GEMIN5: variants seen among roughly 807,000 people sequenced by gnomAD.
The protein encoded by GEMIN5 is gem nuclear organelle associated protein 5.
Under a neutral mutation model 176.9 loss-of-function variants are expected in GEMIN5, and 124 were observed. The observed-to-expected ratio is 0.70, with a 90% CI of 0.61 to 0.81. GEMIN5 has a LOEUF of 0.81. GEMIN5 is among the 40% of genes least tolerant of loss of function. The probability of loss-of-function intolerance (pLI) is 0.00; values close to 1 mark genes in which losing one functional copy is unlikely to be tolerated. For synonymous variants in GEMIN5, 673 were observed against 665.2 expected (o/e 1.01, Z -0.18); for missense variants, 1,843 against 1,814.6 (o/e 1.02, Z -0.28).
chr5:154,893,914 C>T (rs567847736), intron 24 of GEMIN5, among the ~76,000 whole-genome samples: 7 of 152,028 alleles, frequency 4.6e-5, no homozygotes, highest in South Asian at 2.1e-4. Flanking sequence ...CGGCTAACAC[C>T]GATATTATTT....
chr5:154,898,576 G>A lies in GEMIN5; in HGVS notation c.3209C>T (p.Thr1070Met), dbSNP rs368184251. 22 of 1,614,030 alleles carry A rather than the reference G, an allele frequency of 1.4e-5. No individual in the cohort carries two copies. Among genetic ancestry groups the A allele is most frequent in the Admixed American group, 8.3e-5 (5 of 59,998 alleles). ...AKKGDAASLR[T>M]AAELAAIVGE... Reference sequence around the variant, plus strand: ...TACGATGGCAGCCAACTCTGCAGCCGTTCTAAGTGATGCCGCATCCCCCTT... The same window carrying A: ...TACGATGGCAGCCAACTCTGCAGCCATTCTAAGTGATGCCGCATCCCCCTT... The change falls in exon 23 of 28, where the codon ACG becomes ATG. Residue 1070 changes from threonine to methionine, a missense_variant. Transcript: ENST00000285873.
chr5:154,927,265 C>T, intron 7 of GEMIN5, 120 bp downstream of exon 7: 1 of 603,322 alleles, frequency 1.7e-6, no homozygotes, highest in Non-Finnish European at 3.0e-6. Flanking sequence ...AGCAGTAACT[C>T]TGAAATTGGA....
intron 8 of GEMIN5, 82 bp from the exon 9 acceptor site, chr5:154,924,636 T>A (rs1763990835): frequency 3.7e-6 from 3 of 818,580 alleles, no homozygotes; most frequent in Non-Finnish European, 6.1e-6. Flanking sequence ...CCTTTAAGCA[T>A]CCAAAGGGAA....
intron 8 of GEMIN5, among the ~76,000 whole-genome samples, chr5:154,925,394 G>C (rs1764008639): frequency 6.6e-6 from 1 of 151,974 alleles, no homozygotes; most frequent in South Asian, 2.1e-4. Flanking sequence ...ATTACCTTTA[G>C]ATTCAATAGC....
intron 12 of GEMIN5, among the ~76,000 whole-genome samples, chr5:154,917,604 T>C (rs541196600): frequency 9.4e-4 from 143 of 152,292 alleles, no homozygotes; most frequent in Non-Finnish European, 1.8e-3. Context: ...CTGGTCAGGA[T>C]ACAGACCTAA....
intron 14 of GEMIN5, among the ~76,000 whole-genome samples, chr5:154,912,598 C>A (rs1458427529): frequency 6.6e-6 from 1 of 152,094 alleles, no homozygotes; most frequent in Non-Finnish European, 1.5e-5. Context: ...GAAGAGAGTA[C>A]TTTGCATATC....
chr5:154,903,238 C>A, intron 18 of GEMIN5, 63 bp from the exon 19 acceptor site: 1 of 1,053,106 alleles, frequency 9.5e-7, no homozygotes. Flanking sequence ...GTTTTCTCTC[C>A]AATAACTTCC....
intron 21 of GEMIN5, among the ~76,000 whole-genome samples, chr5:154,899,666 G>A (rs1049562011): frequency 2.0e-5 from 3 of 152,046 alleles, no homozygotes; most frequent in African/African-American, 7.2e-5. Context: ...TGCCAAAGCA[G>A]TGATTGGGAA....
chr5:154,921,448 A>G (rs779093477), intron 9 of GEMIN5, 23 bp from the exon 10 acceptor site: 7 of 1,072,746 alleles, frequency 6.5e-6, no homozygotes, highest in Non-Finnish European at 9.7e-6. Context: ...AGGGAGAGAG[A>G]ACAAATGGAG....
At position 154,937,035 on chromosome 5, in the gene GEMIN5, G is replaced by C. The variant is rs1764283990; in HGVS notation, c.317C>G (p.Ala106Gly). The stretch of plus-strand genomic sequence containing the variant: ...AGTAAGCCATGGTACCTGATGGAGT[G>C]CATGTTCTGTCACAACTGTTTTTGT... ...VETKTVVTEH[A>G]LHQHTISTLH... Residue 106 changes from alanine to glycine, a missense_variant, in exon 2 of 28, where the codon GCA (alanine) becomes GGA (glycine). Ala to Gly is a moderately conservative substitution (Grantham distance 60, BLOSUM62 0). Transcript: ENST00000285873. 1 of 1,612,910 alleles carries C rather than the reference G, an allele frequency of 6.2e-7. No homozygotes were observed.
intron 16 of GEMIN5, among the ~76,000 whole-genome samples, chr5:154,906,725 T>C (rs948350752): frequency 1.3e-5 from 2 of 152,176 alleles, no homozygotes; most frequent in Non-Finnish European, 2.9e-5. Flanking sequence ...GCCAAAATAA[T>C]AAATCCATTA....
chr5:154,906,599 G>A (rs1425645882), intron 16 of GEMIN5, among the ~76,000 whole-genome samples: 1 of 152,128 alleles, frequency 6.6e-6, no homozygotes, highest in Non-Finnish European at 1.5e-5. Context: ...TAAAGAGATG[G>A]GGGGTCTTGC....
chr5:154,904,517 C>T lies in GEMIN5; in HGVS notation c.2622G>A (p.Lys874=). ...HQDCLVLATA[K]HSRELNEDVS... is the part of the protein sequence containing the mutation. ...AGTACATTTTTGTACCTCTGGAGTGCTTTGCAGTTGCTAGTACCAAACAGT... is the reference window on the plus strand; with the variant it reads ...AGTACATTTTTGTACCTCTGGAGTGTTTTGCAGTTGCTAGTACCAAACAGT... Residue 874 remains lysine, a synonymous_variant, in exon 18 of 28, where the codon AAG becomes AAA. Coordinates refer to ENST00000285873, the MANE Select transcript of GEMIN5 (RefSeq NM_015465.5). 6.2e-7 allele frequency: 1 copy of T among 1,613,724 alleles called. No homozygotes were observed. Among genetic ancestry groups the T allele is most frequent in the Non-Finnish European group, 8.5e-7 (1 of 1,179,642 alleles).
chr5:154,925,778 A>G (rs1764015938), intron 8 of GEMIN5, 84 bp downstream of exon 8: 2 of 746,206 alleles, frequency 2.7e-6, no homozygotes, highest in East Asian at 5.0e-5. Flanking sequence ...GATTCTCAAC[A>G]GAGCGCATTT....
intron 1 of GEMIN5, 72 bp downstream of exon 1, chr5:154,937,896 G>T: frequency 1.5e-6 from 2 of 1,320,486 alleles, no homozygotes; most frequent in Non-Finnish European, 1.0e-6. Context: ...AAACGGGGTG[G>T]AGTCGTCCAC....
At chr5:154,913,156 G>C in intron 13 of GEMIN5, 118 bp from the exon 14 acceptor site, 1 of 876,948 alleles carries the variant, frequency 1.1e-6, no homozygotes, top group Non-Finnish European at 1.7e-6. Context: ...CACTTTCTAG[G>C]TTATTTTTTT....
intron 9 of GEMIN5, among the ~76,000 whole-genome samples, chr5:154,923,468 G>A (rs1763967872): frequency 6.6e-6 from 1 of 152,152 alleles, no homozygotes; most frequent in Non-Finnish European, 1.5e-5. Flanking sequence ...AACCTTTTCT[G>A]TAAATATTTC....
At chr5:154,902,100 C>T (rs1169968477) in intron 20 of GEMIN5, among the ~76,000 whole-genome samples, 1 of 152,066 alleles carries the variant, frequency 6.6e-6, no homozygotes, top group Non-Finnish European at 1.5e-5. Flanking sequence ...GGAATCACCA[C>T]ACCCAGCCTT....
At chr5:154,932,776 G>T (rs1489251955) in intron 3 of GEMIN5, among the ~76,000 whole-genome samples, 2 of 152,054 alleles carry the variant, frequency 1.3e-5, no homozygotes, top group Admixed American at 6.6e-5. Context: ...GTTGCTCATG[G>T]CTGGTCTCAA....
Sources: allele counts gnomAD v4.1 joint callset (sites outside exome capture counted in the v4.1 genomes callset), GRCh38; gene constraint gnomAD v4.1.1; transcripts MANE v1.5; gene names NCBI Gene and HGNC (gene_info 2026-07-23, HGNC 2026-07-21).